The following CSMD1 variants were observed in gnomAD, a reference collection of about 807,000 sequenced individuals.
The protein encoded by CSMD1 is CUB and sushi domain-containing protein 1.
A neutral mutation model predicts 417.5 loss-of-function variants in CSMD1; 213 were observed. That is an observed-to-expected ratio of 0.51 (90% confidence interval 0.46 to 0.57). The LOEUF (loss-of-function observed/expected upper bound fraction) is 0.57. Among genes scored for constraint, CSMD1 ranks in the 20% least tolerant of loss-of-function variants. The probability of loss-of-function intolerance (pLI) is 0.00; values close to 1 mark genes in which losing one functional copy is unlikely to be tolerated. For synonymous variants in CSMD1, 2,862 were observed against 1,736.8 expected (o/e 1.65, Z -16.11); for missense variants, 6,923 against 4,529.7 (o/e 1.53, Z -15.17).
At chr8:3,461,720 A>C (rs1816517268) in intron 12 of CSMD1, among the ~76,000 whole-genome samples, 1 of 152,184 alleles carries the variant, frequency 6.6e-6, no homozygotes, top group Admixed American at 6.5e-5. Context: ...CCTAATCAGG[A>C]GAAAAAGCTG....
intron 2 of CSMD1, among the ~76,000 whole-genome samples, chr8:4,600,167 C>T (rs6997411): frequency 6.6e-6 from 1 of 152,094 alleles, no homozygotes; most frequent in African/African-American, 2.4e-5. Flanking sequence ...GAGCTGTGGT[C>T]GCAGAACAGG....
chr8:4,459,443 G>A (rs1196276405), intron 2 of CSMD1, among the ~76,000 whole-genome samples: 1 of 152,196 alleles, frequency 6.6e-6, no homozygotes, highest in Admixed American at 6.5e-5. Flanking sequence ...GTGGCTCAGA[G>A]ATTTTTCCCA....
intron 1 of CSMD1, among the ~76,000 whole-genome samples, chr8:4,751,628 G>T (rs539514820): frequency 2.6e-5 from 4 of 151,954 alleles, no homozygotes; most frequent in African/African-American, 7.3e-5. Context: ...CAGCCTCAAG[G>T]GTGAAAAATG....
At chr8:3,556,595 C>T (rs1377453921) in intron 10 of CSMD1, among the ~76,000 whole-genome samples, 1 of 151,258 alleles carries the variant, frequency 6.6e-6, no homozygotes, top group Non-Finnish European at 1.5e-5. Context: ...ATCACTCTAT[C>T]ATTGCCTTTA....
intron 3 of CSMD1, among the ~76,000 whole-genome samples, chr8:4,033,268 G>C (rs894795794): frequency 1.3e-5 from 2 of 151,162 alleles, no homozygotes; most frequent in Non-Finnish European, 2.9e-5. Context: ...GTGAAACCCT[G>C]TCTCTACTAA....
intron 3 of CSMD1, among the ~76,000 whole-genome samples, chr8:4,164,662 G>A (rs920404169): frequency 1.3e-5 from 2 of 152,080 alleles, no homozygotes; most frequent in African/African-American, 4.8e-5. Context: ...AGACACGATT[G>A]AATTTTGAGA....
chr8:4,432,493 C>G (rs139518909), intron 2 of CSMD1, among the ~76,000 whole-genome samples: 1 of 152,258 alleles, frequency 6.6e-6, no homozygotes, highest in African/African-American at 2.4e-5. Flanking sequence ...CTTGGGGTGT[C>G]TACTAACTGC....
rs371774505 is a variant in CSMD1, at chr8:3,366,620, A to G, written c.3115+412T>C. ...TCTTTCATCCTAGAGGTGGTTGTCA[A>G]TGCAAATATTGGCACCTACCGTAGG... On this transcript the variant is annotated intron_variant, in intron 20 of 69. Transcript: ENST00000635120. 4.6e-5 allele frequency among the ~76,000 whole-genome samples: 7 copies of G among 152,132 alleles called. No individual in the cohort carries two copies. In the East Asian group the frequency reaches 1.3e-3, roughly 29 times the overall value.
At chr8:3,358,392 G>A (rs35393091) in intron 21 of CSMD1, among the ~76,000 whole-genome samples, 26,488 of 152,142 alleles carry the variant, frequency 0.17, 2,893 homozygotes, top group South Asian at 0.28. Context: ...GACGTTGTCC[G>A]TATAGCTAAC....
At chr8:4,146,465 A>G (rs1585417069) in intron 3 of CSMD1, among the ~76,000 whole-genome samples, 3 of 150,578 alleles carry the variant, frequency 2.0e-5, no homozygotes, top group East Asian at 3.9e-4. Context: ...AGAGTTAACA[A>G]TGTTGAAAAG....
At chr8:2,957,871 T>C (rs1585050713) in intron 62 of CSMD1, 64 bp from the exon 63 acceptor site, 1 of 1,075,954 alleles carries the variant, frequency 9.3e-7, no homozygotes, top group African/African-American at 1.6e-5. Flanking sequence ...CAACTAGTGA[T>C]ACCTGAAAGT....
intron 10 of CSMD1, among the ~76,000 whole-genome samples, chr8:3,565,181 G>T (rs768892114): frequency 2.5e-5 from 1 of 40,218 alleles, no homozygotes; most frequent in South Asian, 9.5e-4. Flanking sequence ...AAGAAAGAAA[G>T]AAAGATACAT....
chr8:4,362,821 A>G (rs1039072704), intron 3 of CSMD1, among the ~76,000 whole-genome samples: 1 of 152,246 alleles, frequency 6.6e-6, no homozygotes, highest in African/African-American at 2.4e-5. Flanking sequence ...TTGATTTTAT[A>G]ATATGGGATA....
At chr8:3,092,192 T>G (rs73183510) in intron 47 of CSMD1, among the ~76,000 whole-genome samples, 9 of 152,120 alleles carry the variant, frequency 5.9e-5, no homozygotes, top group African/African-American at 1.9e-4. Flanking sequence ...AACTAGTAAT[T>G]TGGAGTTTTA....
chr8:2,946,904 G>A (rs542581234), intron 68 of CSMD1, among the ~76,000 whole-genome samples: 1 of 152,142 alleles, frequency 6.6e-6, no homozygotes, highest in African/African-American at 2.4e-5. Context: ...TTGACTTTTA[G>A]ATCACAGCCA....
chr8:3,226,088 T>G (rs929903410), intron 27 of CSMD1, among the ~76,000 whole-genome samples: 2 of 152,202 alleles, frequency 1.3e-5, no homozygotes, highest in Admixed American at 1.3e-4. Context: ...TTAAAACATT[T>G]GAATGTTCAC....
At chr8:2,951,384 G>T in intron 65 of CSMD1, 109 bp from the exon 66 acceptor site, 2 of 1,145,518 alleles carry the variant, frequency 1.7e-6, no homozygotes, top group Non-Finnish European at 2.4e-6. Context: ...TCACAGATGA[G>T]GGCAGTGATG....
chr8:4,441,094 G>GGTTTTTTTTTTTTTTT lies in CSMD1; in HGVS notation c.303-21045_303-21030dup, dbSNP rs1798443344. On this transcript the variant is annotated intron_variant, in intron 2 of 69. Transcript: ENST00000635120. ...TAATAATTTGACTCGTTAATCAAAAGGTTTTTTTTTTTTTTTTTTTTTTTA... is the reference window on the plus strand; with the variant it reads ...TAATAATTTGACTCGTTAATCAAAAGGTTTTTTTTTTTTTTTGTTTTTTTTTTTTTTTTTTTTTTTA... Among the ~76,000 whole-genome samples, 2 of 27,074 alleles carry GGTTTTTTTTTTTTTTT rather than the reference G, an allele frequency of 7.4e-5. 1 individual carries two copies. Among genetic ancestry groups the GGTTTTTTTTTTTTTTT allele is most frequent in the Non-Finnish European group, 1.5e-4 (2 of 13,644 alleles). The allele number at this position is 27,074 out of a possible 152,430, so 17.8% of individuals were successfully genotyped here.
At chr8:4,445,265 T>C (rs1217678333) in intron 2 of CSMD1, among the ~76,000 whole-genome samples, 1 of 152,190 alleles carries the variant, frequency 6.6e-6, no homozygotes, top group Non-Finnish European at 1.5e-5. Context: ...AGCCATATGT[T>C]CTCTGTCATT....
Sources: gnomAD v4.1 joint callset for allele counts (sites outside exome capture counted in the v4.1 genomes callset) on GRCh38, gnomAD v4.1.1 for gene constraint, MANE v1.5 for transcripts, NCBI Gene and HGNC (gene_info 2026-07-23, HGNC 2026-07-21) for gene names.